The following USF2 variants were observed in gnomAD, a reference collection of about 807,000 sequenced individuals.
USF2 encodes the protein upstream stimulatory factor 2.
USF2 carries 16 observed loss-of-function variants against 46.9 expected under a neutral mutation model. The ratio of observed to expected loss-of-function variants is 0.34; its 90% CI spans 0.23 to 0.52. USF2 has a LOEUF of 0.52. Among genes scored for constraint, USF2 ranks in the 20% least tolerant of loss-of-function variants. The pLI is 0.96. For missense variants in USF2, 411 were observed against 474.0 expected, an observed-to-expected ratio of 0.87 and a Z score of 1.23; for synonymous variants, 239 against 194.1, an observed-to-expected ratio of 1.23 and a Z score of -1.92.
In USF2 at chr19:35,269,885, C is replaced by T; in HGVS notation, c.311C>T (p.Thr104Ile). 3.5e-6 allele frequency: 5 copies of T among 1,409,360 alleles called. No individual in the cohort carries two copies. Among genetic ancestry groups the T allele is most frequent in the Non-Finnish European group, 4.6e-6 (5 of 1,090,446 alleles). 87.3% of individuals were successfully genotyped at this position (1,409,360 alleles called of 1,614,324 possible). The change falls in exon 4 of 10, where the codon ACC (threonine) becomes ATC (isoleucine). Residue 104 changes from threonine (T) to isoleucine (I), a missense_variant. Coordinates refer to ENST00000222305, the MANE Select transcript of USF2 (RefSeq NM_003367.4). The stretch of plus-strand genomic sequence containing the variant: ...GCTGGCGCCGTCAGCGTCGTGTCCA[C>T]CGCTGCCTTCGCGGGGGGGCAGCAG... Reference protein sequence around the residue: ...DTAGAVSVVSTAAFAGGQQAV... With the variant: ...DTAGAVSVVSIAAFAGGQQAV...
chr19:35,270,080 G>A, intron 4 of USF2, 77 bp downstream of exon 4: 2 of 1,326,590 alleles, frequency 1.5e-6, no homozygotes, highest in Non-Finnish European at 1.9e-6. Context: ...GGGGAGCCCC[G>A]GGGGTGGGGC....
At chr19:35,275,558 A>G (rs990676091) in intron 7 of USF2, 1 of 150,136 alleles carries the variant, frequency 6.7e-6, no homozygotes, top group Non-Finnish European at 1.5e-5. Flanking sequence ...TTGCCAGTTC[A>G]CTCCAGCATC....
At chr19:35,272,088 T>C (rs2066164829) in intron 7 of USF2, among the ~76,000 whole-genome samples, 1 of 152,178 alleles carries the variant, frequency 6.6e-6, no homozygotes, top group African/African-American at 2.4e-5. Flanking sequence ...GACTGGGGTC[T>C]GTGGCCCAGG....
At chr19:35,271,055 GC>G in intron 6 of USF2, 27 bp from the exon 7 acceptor site, 1 of 1,613,324 alleles carries the variant, frequency 6.2e-7, no homozygotes, top group Non-Finnish European at 8.5e-7. Flanking sequence ...GATAATACAT[GC>G]CCCCTTTTTT....
intron 8 of USF2, 53 bp downstream of exon 8, chr19:35,278,845 C>G (rs1357624127): frequency 6.2e-7 from 1 of 1,610,748 alleles, no homozygotes; most frequent in South Asian, 1.1e-5. Context: ...CCGACCCTTG[C>G]ATGCAGAAAG....
rs950732723 is a variant in USF2, at chr19:35,270,794, C to T, written c.657C>T (p.His219=). The T allele has an allele frequency of 3.7e-6, 6 of 1,614,118 alleles. No homozygotes were observed. Among genetic ancestry groups the T allele is most frequent in the Non-Finnish European group, 5.1e-6 (6 of 1,180,022 alleles). Residue 219 remains histidine (H), a synonymous_variant, in exon 6 of 10, where the codon CAC becomes CAT. Transcript: ENST00000222305. ...AGAGGACGATCGCCCCCCGGACACA[C>T]CCTTACTCTCCGTATGTGCAGGGGA... ...GTQRTIAPRT[H]PYSPKIDGTR...
chr19:35,278,211 AG>A (rs1331702979), intron 7 of USF2: 1 of 154,084 alleles, frequency 6.5e-6, no homozygotes, highest in African/African-American at 2.4e-5. Context: ...ACGGTGCCAG[AG>A]TCTCTGGGGA....
Position 35,270,018 on chromosome 19 carries a change from A to G in USF2, c.429+15A>G. 7.5e-7 allele frequency: 1 copy of G among 1,332,422 alleles called. No individual in the cohort carries two copies. The highest frequency in any genetic ancestry group is 9.5e-7 in the Non-Finnish European group (1 of 1,048,126). 82.5% of individuals were successfully genotyped at this position (1,332,422 alleles called of 1,614,324 possible). ...CCTTCCCGCTGGTAGGTGCCCTGCC[A>G]CCCCTGGGTGGGGGGGGGAGGGAGT... is the stretch of plus-strand genomic sequence containing the variant. On this transcript the variant is annotated intron_variant, in intron 4 of 9. Coordinates refer to ENST00000222305, the MANE Select transcript of USF2 (RefSeq NM_003367.4).
chr19:35,279,215 C>A lies in USF2; in HGVS notation c.1000C>A (p.Gln334Lys). ...ENALLRAQLQ[Q>K]HNLEMVGEGT... Reference sequence around the variant, plus strand: ...CGCCCTGCTTCGAGCCCAGCTGCAGCAGCACAACCTGGAGATGGTGGGCGA... The same window carrying A: ...CGCCCTGCTTCGAGCCCAGCTGCAGAAGCACAACCTGGAGATGGTGGGCGA... Residue 334 changes from glutamine (Q) to lysine (K), a missense_variant, in exon 10 of 10, where the codon CAG (glutamine) becomes AAG (lysine). By Grantham distance (53) the Gln-to-Lys change is moderately conservative. This residue lies in a region of USF2 where 93 missense variants were observed against 151.6 expected (regional missense o/e 0.61). Coordinates refer to ENST00000222305, the MANE Select transcript of USF2 (RefSeq NM_003367.4). 1 of 1,590,194 alleles carries A rather than the reference C, an allele frequency of 6.3e-7. No individual in the cohort carries two copies. The highest frequency in any genetic ancestry group is 8.6e-7 in the Non-Finnish European group (1 of 1,168,160).
chr19:35,273,804 C>T (rs946275671), intron 7 of USF2, among the ~76,000 whole-genome samples: 22 of 152,198 alleles, frequency 1.4e-4, no homozygotes, highest in Admixed American at 1.4e-3. Flanking sequence ...AGTCCTCCGG[C>T]CTCGGCTACA....
chr19:35,270,698 A>G lies in USF2; in HGVS notation c.581-20A>G, dbSNP rs903928752. The G allele has an allele frequency of 1.2e-6, 2 of 1,612,526 alleles. No individual in the cohort carries two copies. The highest frequency in any genetic ancestry group is 2.7e-5 in the African/African-American group (2 of 74,552). ...CTGACTTCACCCTGCCTTGCCACTA[A>G]CCCCCCACTCTCCCTGCAGGCCAGT... On this transcript the variant is annotated intron_variant, in intron 5 of 9. Transcript: ENST00000222305.
chr19:35,269,868 C>T lies in USF2; in HGVS notation c.294C>T (p.Ala98=), dbSNP rs1301556596. 2.4e-5 allele frequency: 34 copies of T among 1,420,084 alleles called. No individual in the cohort carries two copies. Among genetic ancestry groups the T allele is most frequent in the Admixed American group, 3.5e-5 (1 of 28,836 alleles). 88.0% of individuals were successfully genotyped at this position (1,420,084 alleles called of 1,614,324 possible). ...QLDGQGDTAG[A]VSVVSTAAFA... Reference sequence around the variant, plus strand: ...ACGGCCAGGGCGACACAGCTGGCGCCGTCAGCGTCGTGTCCACCGCTGCCT... The same window carrying T: ...ACGGCCAGGGCGACACAGCTGGCGCTGTCAGCGTCGTGTCCACCGCTGCCT... The change falls in exon 4 of 10, where the codon GCC becomes GCT. Residue 98 remains alanine (A), a synonymous_variant. Transcript: ENST00000222305.
chr19:35,274,153 G>A (rs926163434), intron 7 of USF2, among the ~76,000 whole-genome samples: 2 of 152,184 alleles, frequency 1.3e-5, no homozygotes, highest in Non-Finnish European at 2.9e-5. Flanking sequence ...TTCTGTCTCT[G>A]GACATCCCTG....
rs1168652380 is a variant in USF2, at chr19:35,269,078, G to GC, written c.-16dup. 5.7e-5 allele frequency: 3 copies of GC among 52,230 alleles called. No individual in the cohort carries two copies. Among genetic ancestry groups the GC allele is most frequent in the African/African-American group, 1.6e-4 (2 of 12,334 alleles). 3.2% of individuals were successfully genotyped at this position (52,230 alleles called of 1,614,324 possible). On this transcript the variant is annotated 5_prime_UTR_variant, in exon 1 of 10. Transcript: ENST00000222305. ...CCCTCCCCTCCCCCCCGGGCCCCGC[G>GC]CCCCCCCCGCCCCCGCCCCCCCCAT...
At chr19:35,278,510 G>C (rs2066265234) in intron 7 of USF2, 188 bp from the exon 8 acceptor site, 1 of 627,784 alleles carries the variant, frequency 1.6e-6, no homozygotes, top group South Asian at 1.9e-5. Context: ...ACGTTTCTTT[G>C]TTCCTCTTGA....
chr19:35,270,834 G>C, intron 6 of USF2, 29 bp downstream of exon 6: 1 of 1,613,482 alleles, frequency 6.2e-7, no homozygotes. Context: ...TGGAGGGCCT[G>C]GTGTTGAAAT....
intron 7 of USF2, among the ~76,000 whole-genome samples, chr19:35,272,792 C>T (rs546830894): frequency 2.0e-5 from 3 of 151,976 alleles, no homozygotes; most frequent in Admixed American, 6.5e-5. Context: ...ATAAGGGTTT[C>T]GTGCTGAACT....
At chr19:35,278,464 G>A (rs1344275842) in intron 7 of USF2, 11 of 487,542 alleles carry the variant, frequency 2.3e-5, no homozygotes, top group East Asian at 3.4e-5. Flanking sequence ...GGCCTTTGAT[G>A]CCCGTCCTAA....
chr19:35,271,058 C>T, intron 6 of USF2, 25 bp from the exon 7 acceptor site: 17 of 1,613,714 alleles, frequency 1.1e-5, no homozygotes, highest in Non-Finnish European at 1.4e-5. Context: ...AATACATGCC[C>T]CCTTTTTTTT....
Sources: gnomAD v4.1 joint callset for allele counts (sites outside exome capture counted in the v4.1 genomes callset) on GRCh38, gnomAD v4.1.1 for gene constraint, gnomAD v4.1.1 regional missense constraint, MANE v1.5 for transcripts, NCBI Gene and HGNC (gene_info 2026-07-23, HGNC 2026-07-21) for gene names.